Variants in KCNQ3 observed in about 807,000 individuals in gnomAD.
KCNQ3 encodes the protein potassium voltage-gated channel subfamily Q member 3.
KCNQ3 carries 30 observed loss-of-function variants against 92.5 expected under a neutral mutation model. The ratio of observed to expected loss-of-function variants is 0.32; its 90% CI spans 0.24 to 0.44. The LOEUF (loss-of-function observed/expected upper bound fraction) is 0.44. KCNQ3 is among the 20% of genes least tolerant of loss of function. The pLI is 1.00. For synonymous variants in KCNQ3, 450 were observed against 468.8 expected (o/e 0.96, Z 0.52); for missense variants, 913 against 1,140.3 (o/e 0.80, Z 2.87).
chr8:132,447,589 G>A (rs1821716033), intron 1 of KCNQ3, among the ~76,000 whole-genome samples: 1 of 152,150 alleles, frequency 6.6e-6, no homozygotes, highest in African/African-American at 2.4e-5. Flanking sequence ...AAGAAAAGAG[G>A]ACGTAAACCA....
chr8:132,339,823 G>A (rs983191252), intron 1 of KCNQ3, among the ~76,000 whole-genome samples: 10 of 151,988 alleles, frequency 6.6e-5, no homozygotes, highest in Admixed American at 2.0e-4. Flanking sequence ...GAATCCTGGC[G>A]ACACCCAGAC....
At chr8:132,153,442 C>G (rs1003845716) in intron 9 of KCNQ3, among the ~76,000 whole-genome samples, 1 of 152,264 alleles carries the variant, frequency 6.6e-6, no homozygotes, top group East Asian at 1.9e-4. Context: ...ATGCAACCCC[C>G]CAAGACACAT....
At chr8:132,158,803 G>A (rs1218809599) in intron 9 of KCNQ3, among the ~76,000 whole-genome samples, 1 of 152,186 alleles carries the variant, frequency 6.6e-6, no homozygotes, top group Non-Finnish European at 1.5e-5. Flanking sequence ...AGCATTCTTT[G>A]TAAGTTACTA....
intron 9 of KCNQ3, among the ~76,000 whole-genome samples, chr8:132,151,606 G>A (rs775611437): frequency 3.9e-5 from 6 of 152,116 alleles, no homozygotes; most frequent in Non-Finnish European, 8.8e-5. Flanking sequence ...ATTTGTAAAG[G>A]GTTATAAAAG....
intron 1 of KCNQ3, among the ~76,000 whole-genome samples, chr8:132,375,455 G>A (rs1053526735): frequency 2.6e-5 from 4 of 152,064 alleles, no homozygotes; most frequent in Non-Finnish European, 4.4e-5. Flanking sequence ...TTCTGCAGCC[G>A]CTGAGAAACT....
At chr8:132,162,322 C>T (rs6988273) in intron 9 of KCNQ3, among the ~76,000 whole-genome samples, 4,449 of 152,206 alleles carry the variant, frequency 0.029, 212 homozygotes, top group African/African-American at 0.1. Flanking sequence ...AAAATCTGCA[C>T]GATTTATAAA....
chr8:132,130,038 G>C, intron 14 of KCNQ3, 42 bp from the exon 15 acceptor site: 1 of 1,607,044 alleles, frequency 6.2e-7, no homozygotes, highest in Non-Finnish European at 8.5e-7. Flanking sequence ...TTTCTCTGAG[G>C]GTGGGGATCG....
rs565833662 is a variant in KCNQ3 at position 132,455,001 on chromosome 8, G to A, written c.386+25146C>T. On this transcript the variant is annotated intron_variant, in intron 1 of 14. Coordinates refer to ENST00000388996, the MANE Select transcript of KCNQ3 (RefSeq NM_004519.4). ...CACAGACAGAAAGTAGAATGTGGTC[G>A]CCAGAGGCTGGGGAGAGGGGGAAGT... 3.0e-4 allele frequency among the ~76,000 whole-genome samples: 45 copies of A among 151,338 alleles called. 1 individual carries two copies. In the East Asian group the frequency reaches 7.9e-3, roughly 27 times the overall value.
At chr8:132,268,167 T>C (rs190287331) in intron 1 of KCNQ3, among the ~76,000 whole-genome samples, 1,843 of 152,334 alleles carry the variant, frequency 0.012, 23 homozygotes, top group Middle Eastern at 0.034. Context: ...TAGAATGTCA[T>C]ATAGTTGGAG....
At chr8:132,141,992 A>G (rs1022067275) in intron 9 of KCNQ3, among the ~76,000 whole-genome samples, 1 of 152,220 alleles carries the variant, frequency 6.6e-6, no homozygotes, top group Non-Finnish European at 1.5e-5. Flanking sequence ...AGATAATTTT[A>G]TATCCTGTTA....
At chr8:132,357,382 C>T (rs1819046345) in intron 1 of KCNQ3, among the ~76,000 whole-genome samples, 1 of 152,172 alleles carries the variant, frequency 6.6e-6, no homozygotes. Flanking sequence ...CTCCTGAGAC[C>T]ACATGAGATA....
intron 1 of KCNQ3, among the ~76,000 whole-genome samples, chr8:132,255,655 C>T (rs776695267): frequency 5.3e-5 from 8 of 152,158 alleles, no homozygotes; most frequent in Non-Finnish European, 1.0e-4. Context: ...GCTGCCTGAG[C>T]ATTAAAGTTA....
chr8:132,423,711 C>T (rs532169314), intron 1 of KCNQ3, among the ~76,000 whole-genome samples: 3 of 152,292 alleles, frequency 2.0e-5, no homozygotes, highest in South Asian at 2.1e-4. Flanking sequence ...CGAGGTCACA[C>T]AGCTGTAAGT....
At chr8:132,149,888 CAG>C (rs1825582284) in intron 9 of KCNQ3, among the ~76,000 whole-genome samples, 2 of 152,194 alleles carry the variant, frequency 1.3e-5, no homozygotes, top group African/African-American at 4.8e-5. Context: ...CTCCCCCAGC[CAG>C]AGAGTCCAGC....
chr8:132,344,222 C>A (rs1215739442), intron 1 of KCNQ3, among the ~76,000 whole-genome samples: 2 of 152,288 alleles, frequency 1.3e-5, no homozygotes, highest in South Asian at 4.1e-4. Context: ...AGGGTCAGTA[C>A]CCTATTCTCT....
intron 1 of KCNQ3, among the ~76,000 whole-genome samples, chr8:132,279,892 T>C (rs190252251): frequency 1.6e-4 from 24 of 152,272 alleles, no homozygotes; most frequent in African/African-American, 5.5e-4. Context: ...TTGAGATAGT[T>C]CTGGGCTTCT....
At chr8:132,445,124 G>A (rs1358903880) in intron 1 of KCNQ3, among the ~76,000 whole-genome samples, 1 of 152,144 alleles carries the variant, frequency 6.6e-6, no homozygotes, top group Non-Finnish European at 1.5e-5. Flanking sequence ...GCTCAGAAAG[G>A]CAAAAGGACC....
At chr8:132,353,586 G>A (rs1378135406) in intron 1 of KCNQ3, among the ~76,000 whole-genome samples, 1 of 152,158 alleles carries the variant, frequency 6.6e-6, no homozygotes, top group Non-Finnish European at 1.5e-5. Flanking sequence ...AGCTGAAGCA[G>A]GCGGATCATC....
intron 1 of KCNQ3, among the ~76,000 whole-genome samples, chr8:132,440,453 C>T (rs1168411913): frequency 2.0e-5 from 3 of 152,182 alleles, no homozygotes; most frequent in African/African-American, 7.2e-5. Context: ...GCCTTGAGTC[C>T]TTCCTTCCCT....
Sources: allele counts gnomAD v4.1 joint callset (sites outside exome capture counted in the v4.1 genomes callset), GRCh38; gene constraint gnomAD v4.1.1; transcripts MANE v1.5; gene names NCBI Gene and HGNC (gene_info 2026-07-23, HGNC 2026-07-21).